Variants in SLC7A2 observed in about 807,000 individuals in gnomAD.
SLC7A2 encodes cationic amino acid transporter 2.
Under a neutral mutation model 58.9 loss-of-function variants are expected in SLC7A2, and 48 were observed. The observed-to-expected ratio is 0.82, with a 90% CI of 0.65 to 1.04. The LOEUF (loss-of-function observed/expected upper bound fraction) is 1.04. Among genes scored for constraint, SLC7A2 ranks in the 50% least tolerant of loss-of-function variants. The pLI, the probability that SLC7A2 is intolerant of heterozygous loss-of-function variation, is 0.00. For synonymous variants in SLC7A2, 363 were observed against 314.5 expected, an observed-to-expected ratio of 1.15 and a Z score of -1.63; for missense variants, 1,029 against 818.8, an observed-to-expected ratio of 1.26 and a Z score of -3.13.
chr8:17,503,626 C>T (rs1034235533), intron 2 of SLC7A2, among the ~76,000 whole-genome samples: 14 of 152,018 alleles, frequency 9.2e-5, no homozygotes, highest in African/African-American at 2.2e-4. Flanking sequence ...GCTCATAGTT[C>T]GCAGAATATT....
intron 8 of SLC7A2, among the ~76,000 whole-genome samples, chr8:17,555,853 C>G (rs892900235): frequency 6.6e-6 from 1 of 152,074 alleles, no homozygotes; most frequent in African/African-American, 2.4e-5. Context: ...AGACAATGGC[C>G]TTAAAGGTAC....
chr8:17,522,957 C>T (rs1278976598), intron 2 of SLC7A2, among the ~76,000 whole-genome samples: 1 of 152,012 alleles, frequency 6.6e-6, no homozygotes, highest in Non-Finnish European at 1.5e-5. Context: ...ATTGCTTGAG[C>T]CCAAGAAGTC....
intron 2 of SLC7A2, among the ~76,000 whole-genome samples, chr8:17,528,670 C>G (rs958264472): frequency 2.6e-5 from 4 of 152,188 alleles, no homozygotes; most frequent in Non-Finnish European, 5.9e-5. Context: ...TCCCAAAGTG[C>G]TTGGATTACA....
intron 2 of SLC7A2, among the ~76,000 whole-genome samples, chr8:17,504,852 A>C (rs1275995299): frequency 6.6e-6 from 1 of 152,202 alleles, no homozygotes; most frequent in Non-Finnish European, 1.5e-5. Flanking sequence ...TGACTTTTAC[A>C]GTTTTTTCTA....
At chr8:17,554,756 G>A (rs966394690) in intron 8 of SLC7A2, 57 bp downstream of exon 8, 8 of 1,522,094 alleles carry the variant, frequency 5.3e-6, no homozygotes, top group Non-Finnish European at 6.2e-6. Context: ...CAAGGACTCT[G>A]CATTAAAAAT....
chr8:17,543,862 A>C, intron 3 of SLC7A2, 147 bp downstream of exon 3: 1 of 679,838 alleles, frequency 1.5e-6, no homozygotes, highest in Non-Finnish European at 2.3e-6. Context: ...TCTCCTTCTA[A>C]TTACAAAATT....
In SLC7A2 at chr8:17,570,490, A is replaced by G. The variant is rs1377753274; in HGVS notation, c.*5344A>G. The G allele has an allele frequency of 1.3e-5, 2 of 152,638 alleles. No homozygotes were observed. The highest frequency in any genetic ancestry group is 2.9e-5 in the Non-Finnish European group (2 of 68,048). 9.5% of individuals were successfully genotyped at this position (152,638 alleles called of 1,614,324 possible). A position where few individuals can be genotyped will look rare whatever the true frequency, so the allele number is the denominator to read the frequency against. ...TTCTTTTTTAGAATTTGTAATAAAT[A>G]AAAACTGCTGCTTTACCACTGTAAA... On this transcript the variant is annotated 3_prime_UTR_variant, in exon 13 of 13. Transcript: ENST00000494857.
At chr8:17,532,858 A>G (rs564955718) in intron 2 of SLC7A2, among the ~76,000 whole-genome samples, 3 of 152,280 alleles carry the variant, frequency 2.0e-5, no homozygotes, top group African/African-American at 7.2e-5. Context: ...CTACTCATGG[A>G]GTTTCTCAAA....
chr8:17,547,650 G>T (rs1361906461), intron 4 of SLC7A2, among the ~76,000 whole-genome samples: 1 of 152,120 alleles, frequency 6.6e-6, no homozygotes, highest in African/African-American at 2.4e-5. Context: ...TTATGTCAGT[G>T]CTATTTATAA....
At chr8:17,528,713 C>G (rs1233737641) in intron 2 of SLC7A2, among the ~76,000 whole-genome samples, 11 of 152,140 alleles carry the variant, frequency 7.2e-5, no homozygotes, top group African/African-American at 2.7e-4. Flanking sequence ...CTGGTCATTA[C>G]ACTTTGAATT....
intron 2 of SLC7A2, among the ~76,000 whole-genome samples, chr8:17,534,160 A>G (rs76061455): frequency 0.054 from 8,219 of 152,158 alleles, 251 homozygotes; most frequent in Middle Eastern, 0.078. Flanking sequence ...TATCCTGTCT[A>G]TTATTGATGG....
chr8:17,495,815 G>C (rs1053620676), upstream of SLC7A2, among the ~76,000 whole-genome samples: 2 of 152,214 alleles, frequency 1.3e-5, no homozygotes, highest in African/African-American at 4.8e-5. Flanking sequence ...GTCCCAAAGT[G>C]CTGGGATTAC....
At position 17,520,266 on chromosome 8, in the gene SLC7A2, T is replaced by C. The variant is rs73196108; in HGVS notation, c.-23+17964T>C. 4.7e-3 allele frequency among the ~76,000 whole-genome samples: 718 copies of C among 152,236 alleles called. 5 individuals are homozygous for C. Among genetic ancestry groups the C allele is most frequent in the Admixed American group, 6.2e-3 (95 of 15,286 alleles). On this transcript the variant is annotated intron_variant, in intron 2 of 12. Transcript: ENST00000494857. Reference sequence around the variant, plus strand: ...TATTTTAAGACAGTTATCTGAAGCATAGGGGTTCATGAGAATATTTGTGTA... The same window carrying C: ...TATTTTAAGACAGTTATCTGAAGCACAGGGGTTCATGAGAATATTTGTGTA...
At chr8:17,522,765 G>A (rs1459431395) in intron 2 of SLC7A2, among the ~76,000 whole-genome samples, 1 of 152,154 alleles carries the variant, frequency 6.6e-6, no homozygotes, top group Admixed American at 6.5e-5. Context: ...GCTGGGTACA[G>A]TGGCTCATCC....
chr8:17,545,026 A>G (rs1486462007), intron 4 of SLC7A2, among the ~76,000 whole-genome samples: 2 of 152,204 alleles, frequency 1.3e-5, no homozygotes, highest in African/African-American at 2.4e-5. Context: ...TCATCTATAT[A>G]ATGTAGGCCT....
chr8:17,501,963 TC>T (rs1800179025), intron 1 of SLC7A2, among the ~76,000 whole-genome samples: 1 of 152,060 alleles, frequency 6.6e-6, no homozygotes, highest in Non-Finnish European at 1.5e-5. Flanking sequence ...AATTTGTATG[TC>T]CCTTGTTGAT....
intron 2 of SLC7A2, among the ~76,000 whole-genome samples, chr8:17,503,145 G>A (rs1210978234): frequency 1.3e-5 from 2 of 151,934 alleles, no homozygotes; most frequent in African/African-American, 2.4e-5. Context: ...CCGCCTCCCG[G>A]GTTCACGCCA....
At chr8:17,538,835 A>T in intron 2 of SLC7A2, 1 of 1,613,808 alleles carries the variant, frequency 6.2e-7, no homozygotes, top group Non-Finnish European at 8.5e-7. Flanking sequence ...ATGAAGATAG[A>T]AACAAGTGGT....
intron 2 of SLC7A2, among the ~76,000 whole-genome samples, chr8:17,540,626 C>T (rs538696883): frequency 1.3e-5 from 2 of 152,132 alleles, no homozygotes; most frequent in African/African-American, 4.8e-5. Flanking sequence ...AATTCAATTT[C>T]GTATTGAAGA....
Sources: allele counts gnomAD v4.1 joint callset (sites outside exome capture counted in the v4.1 genomes callset), GRCh38; gene constraint gnomAD v4.1.1; transcripts MANE v1.5; gene names NCBI Gene and HGNC (gene_info 2026-07-23, HGNC 2026-07-21).